Variants in SLC25A3 observed in about 807,000 individuals in gnomAD.
SLC25A3 encodes the protein solute carrier family 25 member 3.
SLC25A3 carries 14 observed loss-of-function variants against 37.1 expected under a neutral mutation model. The ratio of observed to expected loss-of-function variants is 0.38; its 90% CI spans 0.25 to 0.59. SLC25A3 has a LOEUF of 0.59. SLC25A3 is among the 20% of genes least tolerant of loss of function. SLC25A3 has a pLI of 0.67. For synonymous variants in SLC25A3, 161 were observed against 168.7 expected, an observed-to-expected ratio of 0.95 and a Z score of 0.36; for missense variants, 385 against 458.1, an observed-to-expected ratio of 0.84 and a Z score of 1.46.
In SLC25A3 at chr12:98,595,703, A is replaced by C. The variant is rs749546136; in HGVS notation, c.158-24A>C. ...TAACATGAGTTTTATATTAAAATGCATGGTGTGTCTTCTCTTACTACAGAG... is the reference window on the plus strand; with the variant it reads ...TAACATGAGTTTTATATTAAAATGCCTGGTGTGTCTTCTCTTACTACAGAG... On this transcript the variant is annotated intron_variant, in intron 2 of 7. Transcript: ENST00000552981. The C allele has an allele frequency of 6.2e-6, 10 of 1,614,232 alleles. No individual in the cohort carries two copies. The Admixed American group carries it at 1.5e-4, about 24-fold the overall frequency.
At chr12:98,598,058 G>T in intron 4 of SLC25A3, 23 bp downstream of exon 4, 1 of 1,609,070 alleles carries the variant, frequency 6.2e-7, no homozygotes, top group South Asian at 1.1e-5. Flanking sequence ...CTTTAAAATT[G>T]AATGTTCCGA....
intron 5 of SLC25A3, among the ~76,000 whole-genome samples, chr12:98,599,468 T>TA (rs1391351546): frequency 6.6e-6 from 1 of 152,126 alleles, no homozygotes; most frequent in Non-Finnish European, 1.5e-5. Flanking sequence ...GATAAGTTAA[T>TA]ACATGGTTTG....
At chr12:98,594,600 T>C (rs1278500223) in intron 2 of SLC25A3, 4 of 544,880 alleles carry the variant, frequency 7.3e-6, no homozygotes, top group African/African-American at 5.7e-5. Context: ...CTTAATTGTA[T>C]ATGAGATAAC....
chr12:98,595,415 T>C, intron 2 of SLC25A3: 1 of 1,613,654 alleles, frequency 6.2e-7, no homozygotes, highest in Non-Finnish European at 8.5e-7. Flanking sequence ...CTTGATTTTT[T>C]TTTTTCCAAT....
At position 98,606,252 on chromosome 12, in the gene SLC25A3, G is replaced by GACA. The variant is rs2097601156; in HGVS notation, c.*4724_*4725insACA. ...TATTTTAAACTTACAGGACTCTGTA[G>GACA]TTCACAGTTGAACACTGTGGCTTCC... On this transcript the variant is annotated 3_prime_UTR_variant, in exon 8 of 8. Coordinates refer to ENST00000552981, the MANE Select transcript of SLC25A3 (RefSeq NM_002635.4). 6.6e-6 allele frequency: 1 copy of GACA among 152,190 alleles called. No individual in the cohort carries two copies. Among genetic ancestry groups the GACA allele is most frequent in the Non-Finnish European group, 1.5e-5 (1 of 68,038 alleles). The allele number at this position is 152,190 out of a possible 1,614,324, so 9.4% of individuals were successfully genotyped here. A position where few individuals can be genotyped will look rare whatever the true frequency, so the allele number is the denominator to read the frequency against.
intron 5 of SLC25A3, 67 bp downstream of exon 5, chr12:98,598,770 T>C: frequency 8.1e-6 from 8 of 989,338 alleles, no homozygotes; most frequent in Non-Finnish European, 1.1e-5. Context: ...TTTTTTTTTG[T>C]TTTTTTTTTT....
In SLC25A3 at chr12:98,594,138, G is replaced by A; in HGVS notation, c.157+3G>A. ...CCTGGCAGCCGCCGCCGTGGAAGGT[G>A]AGATCAGACCCTGCCCAATACAGTC... On this transcript the variant is annotated splice_donor_region_variant and intron_variant, in intron 2 of 7. Coordinates refer to ENST00000552981, the MANE Select transcript of SLC25A3 (RefSeq NM_002635.4). 6.2e-7 allele frequency: 1 copy of A among 1,608,036 alleles called. No individual in the cohort carries two copies. The highest frequency in any genetic ancestry group is 8.5e-7 in the Non-Finnish European group (1 of 1,177,216).
intron 4 of SLC25A3, 47 bp from the exon 5 acceptor site, chr12:98,598,475 C>A (rs766550554): frequency 6.2e-7 from 1 of 1,611,478 alleles, no homozygotes; most frequent in Admixed American, 1.7e-5. Context: ...CAATTGAAAA[C>A]CAACACAACA....
chr12:98,601,030 A>G lies in SLC25A3; in HGVS notation c.815-141A>G, dbSNP rs148102481. On this transcript the variant is annotated intron_variant, in intron 6 of 7. Coordinates refer to ENST00000552981, the MANE Select transcript of SLC25A3 (RefSeq NM_002635.4). ...CGTTTTACATAGGATAGACAGCTTGATAACTGTACCCGTGTCACCCTGAGT... is the reference window on the plus strand; with the variant it reads ...CGTTTTACATAGGATAGACAGCTTGGTAACTGTACCCGTGTCACCCTGAGT... 107 of 876,186 alleles carry G rather than the reference A, an allele frequency of 1.2e-4. No homozygotes were observed. In the African/African-American group the frequency reaches 1.7e-3, roughly 14 times the overall value. 54.3% of individuals were successfully genotyped at this position (876,186 alleles called of 1,614,324 possible).
Position 98,594,015 on chromosome 12 carries a change from C to A in SLC25A3, c.37C>A (p.Pro13Thr). The change falls in exon 2 of 8, where the codon CCC becomes ACC. Residue 13 changes from proline to threonine, a missense_variant. Physicochemically the swap from Pro to Thr is conservative, Grantham distance 38. This residue lies in a region of SLC25A3 where 109 missense variants were observed against 90.5 expected (regional missense o/e 1.20). Transcript: ENST00000552981. The stretch of plus-strand genomic sequence containing the variant: ...CGTGGCGCACCTGGCGCGGGCGAAC[C>A]CCTTCAACACGCCACATCTGCAGCT... Reference protein sequence around the residue: ...SSVAHLARANPFNTPHLQLVH... With the variant: ...SSVAHLARANTFNTPHLQLVH... The A allele has an allele frequency of 6.2e-7, 1 of 1,613,820 alleles. No individual in the cohort carries two copies. Among genetic ancestry groups the A allele is most frequent in the Non-Finnish European group, 8.5e-7 (1 of 1,179,828 alleles).
At chr12:98,599,519 C>T (rs1192497195) in intron 5 of SLC25A3, 11 of 424,896 alleles carry the variant, frequency 2.6e-5, no homozygotes, top group Non-Finnish European at 5.0e-5. Flanking sequence ...AGAGTAAGGA[C>T]CATTTGTCGG....
In SLC25A3 at chr12:98,600,052, T is replaced by C; in HGVS notation, c.739T>C (p.Phe247Leu). The change falls in exon 6 of 8, where the codon TTT becomes CTT. Residue 247 changes from phenylalanine to leucine, a missense_variant. By Grantham distance (22) the Phe-to-Leu change is conservative. Around this residue, in one of 2 missense-constraint regions of SLC25A3, gnomAD observed 276 missense variants for 367.6 expected, o/e 0.75. Transcript: ENST00000552981. Reference protein sequence around the residue: ...FERTVEALYKFVVPKPRSECS... With the variant: ...FERTVEALYKLVVPKPRSECS... ...ACGTACTGTTGAAGCACTGTACAAGTTTGTGGTTCCTAAGCCCCGCAGTGA... is the reference window on the plus strand; with the variant it reads ...ACGTACTGTTGAAGCACTGTACAAGCTTGTGGTTCCTAAGCCCCGCAGTGA... 1.2e-6 allele frequency: 2 copies of C among 1,614,228 alleles called. No homozygotes were observed. Among genetic ancestry groups the C allele is most frequent in the Non-Finnish European group, 1.7e-6 (2 of 1,180,032 alleles).
Position 98,601,437 on chromosome 12 carries a change from A to G in SLC25A3, c.995A>G (p.Tyr332Cys). The G allele has an allele frequency of 6.2e-7, 1 of 1,613,980 alleles. No homozygotes were observed. Among genetic ancestry groups the G allele is most frequent in the East Asian group, 2.2e-5 (1 of 44,896 alleles). Reference protein sequence around the residue: ...GTLTALQWFIYDSVKVYFRLP... With the variant: ...GTLTALQWFICDSVKVYFRLP... ...CTGACTGCACTACAGTGGTTTATCT[A>G]TGACTCCGTGAAGGTCTACTTCAGA... The change falls in exon 8 of 8, where the codon TAT (tyrosine) becomes TGT (cysteine). Residue 332 changes from tyrosine (Y) to cysteine (C), a missense_variant. By Grantham distance (194) the Tyr-to-Cys change is radical (BLOSUM62 -2). Coordinates refer to ENST00000552981, the MANE Select transcript of SLC25A3 (RefSeq NM_002635.4).
At chr12:98,594,464 C>T (rs2097591280) in intron 2 of SLC25A3, 5 of 653,366 alleles carry the variant, frequency 7.7e-6, no homozygotes, top group Non-Finnish European at 1.1e-5. Flanking sequence ...ACTCTCCTCC[C>T]GAAACTACTG....
Position 98,598,807 on chromosome 12 carries a change from G to C in SLC25A3, c.641+104G>C, listed in dbSNP as rs1226707644. On this transcript the variant is annotated intron_variant, in intron 5 of 7. Transcript: ENST00000552981. ...TTTTGTTTTTTTGAGACAAAGTCTC[G>C]CTCTGTCACCCAGGCTGGAGTGCAG... The C allele has an allele frequency of 5.4e-6, 6 of 1,111,646 alleles. No homozygotes were observed. The South Asian group carries it at 8.4e-5, about 16-fold the overall frequency. The allele number at this position is 1,111,646 out of a possible 1,614,324, so 68.9% of individuals were successfully genotyped here. A position where few individuals can be genotyped will look rare whatever the true frequency, so the allele number is the denominator to read the frequency against.
rs1592980907 is a variant in SLC25A3, at chr12:98,601,627, A to C, written c.*99A>C. 2 of 795,458 alleles carry C rather than the reference A, an allele frequency of 2.5e-6. No homozygotes were observed. Among genetic ancestry groups the C allele is most frequent in the Non-Finnish European group, 4.4e-6 (2 of 457,164 alleles). 49.3% of individuals were successfully genotyped at this position (795,458 alleles called of 1,614,324 possible). On this transcript the variant is annotated 3_prime_UTR_variant, in exon 8 of 8. Transcript: ENST00000552981. ...TATTTGACAGTGTAGGAAATTGTCTATTCCTGATATAATTACTGTAGTACT... is the reference window on the plus strand; with the variant it reads ...TATTTGACAGTGTAGGAAATTGTCTCTTCCTGATATAATTACTGTAGTACT...
In SLC25A3 at chr12:98,594,086, C is replaced by T; in HGVS notation, c.108C>T (p.Pro36=). 1 of 1,612,084 alleles carries T rather than the reference C, an allele frequency of 6.2e-7. No individual in the cohort carries two copies. The highest frequency in any genetic ancestry group is 8.5e-7 in the Non-Finnish European group (1 of 1,179,510). ...ACCTCCGCAGCAGCTCCCCAGGGCC[C>T]ACGGGCCAGCCCCGCCGCCCTCGCA... ...LGDLRSSSPG[P]TGQPRRPRNL... The change falls in exon 2 of 8, where the codon CCC becomes CCT. Residue 36 remains proline (P), a synonymous_variant. Coordinates refer to ENST00000552981, the MANE Select transcript of SLC25A3 (RefSeq NM_002635.4).
chr12:98,595,937 C>G (rs2097592632), intron 3 of SLC25A3, 89 bp downstream of exon 3: 1 of 1,183,668 alleles, frequency 8.4e-7, no homozygotes, highest in Non-Finnish European at 1.3e-6. Context: ...GACATCACAA[C>G]TGCTAGAAAC....
intron 6 of SLC25A3, 120 bp downstream of exon 6, chr12:98,600,247 G>C (rs1467859386): frequency 1.3e-6 from 1 of 777,648 alleles, no homozygotes; most frequent in Non-Finnish European, 2.2e-6. Context: ...TTGTTTTTTT[G>C]GTTTCCCTGA....
Sources: gnomAD v4.1 joint callset for allele counts (sites outside exome capture counted in the v4.1 genomes callset) on GRCh38, gnomAD v4.1.1 for gene constraint, gnomAD v4.1.1 regional missense constraint, MANE v1.5 for transcripts, NCBI Gene and HGNC (gene_info 2026-07-23, HGNC 2026-07-21) for gene names.